Variants in LRRIQ3 observed in about 807,000 individuals in gnomAD.
LRRIQ3 encodes leucine rich repeats and IQ motif containing 3.
LRRIQ3 carries 75 observed loss-of-function variants against 59.3 expected under a neutral mutation model. That is an observed-to-expected ratio of 1.26 (90% CI 1.05 to 1.53). The LOEUF is 1.53. Ranked by LOEUF, LRRIQ3 falls within the 40% of genes most tolerant of loss-of-function variation. LRRIQ3 has a pLI of 0.00. For synonymous variants in LRRIQ3, 250 were observed against 231.3 expected, an observed-to-expected ratio of 1.08 and a Z score of -0.73; for missense variants, 831 against 710.0, an observed-to-expected ratio of 1.17 and a Z score of -1.94.
chr1:74,121,446 T>C (rs914666149), intron 4 of LRRIQ3, among the ~76,000 whole-genome samples: 25 of 152,118 alleles, frequency 1.6e-4, no homozygotes, highest in African/African-American at 4.8e-4. Flanking sequence ...CATAACCCCT[T>C]ATGGGCAAGA....
chr1:74,184,908 A>T (rs138265574), intron 1 of LRRIQ3, among the ~76,000 whole-genome samples: 1 of 152,342 alleles, frequency 6.6e-6, no homozygotes, highest in East Asian at 1.9e-4. Context: ...GACTTCCAAA[A>T]TAGAAAAGAT....
chr1:74,074,846 T>C (rs1347213632), intron 5 of LRRIQ3, 56 bp from the exon 6 acceptor site: 2 of 887,908 alleles, frequency 2.3e-6, no homozygotes, highest in African/African-American at 1.8e-5. Flanking sequence ...GTTTTAGAGT[T>C]CTTCAAGGGT....
At chr1:74,156,832 T>C (rs1648358457) in intron 3 of LRRIQ3, among the ~76,000 whole-genome samples, 1 of 152,084 alleles carries the variant, frequency 6.6e-6, no homozygotes, top group African/African-American at 2.4e-5. Context: ...GCTCAGTATA[T>C]TTCATTGACA....
chr1:74,129,797 G>A (rs750299059), intron 4 of LRRIQ3, among the ~76,000 whole-genome samples: 1 of 151,968 alleles, frequency 6.6e-6, no homozygotes, highest in Non-Finnish European at 1.5e-5. Context: ...TTAGCTAGGA[G>A]ATAATGAATC....
intron 4 of LRRIQ3, chr1:74,138,383 G>T: frequency 3.1e-6 from 2 of 649,466 alleles, no homozygotes; most frequent in Non-Finnish European, 3.8e-6. Flanking sequence ...GTAAACTGGG[G>T]CCAAAATGCC....
chr1:74,094,821 TA>T (rs778039818), intron 5 of LRRIQ3, among the ~76,000 whole-genome samples: 3 of 152,114 alleles, frequency 2.0e-5, no homozygotes, highest in Non-Finnish European at 4.4e-5. Context: ...TATAGTGACA[TA>T]AGCTTTTAGG....
intron 4 of LRRIQ3, among the ~76,000 whole-genome samples, chr1:74,140,686 A>C (rs1265575605): frequency 6.6e-6 from 1 of 151,874 alleles, no homozygotes; most frequent in Non-Finnish European, 1.5e-5. Flanking sequence ...AAGGACTGAA[A>C]TCATATAGGA....
intron 5 of LRRIQ3, among the ~76,000 whole-genome samples, chr1:74,092,364 A>T (rs2100519297): frequency 6.6e-6 from 1 of 152,244 alleles, no homozygotes; most frequent in Non-Finnish European, 1.5e-5. Context: ...ATTTAAACTG[A>T]TAGCAATATG....
At chr1:74,187,353 TACACACACAC>T (rs58321456) in intron 1 of LRRIQ3, among the ~76,000 whole-genome samples, 1 of 55,300 alleles carries the variant, frequency 1.8e-5, no homozygotes. Context: ...GGTATATGTT[TACACACACAC>T]ACACACACAC....
intron 5 of LRRIQ3, among the ~76,000 whole-genome samples, chr1:74,086,743 A>C (rs779568560): frequency 6.6e-5 from 10 of 152,146 alleles, no homozygotes; most frequent in African/African-American, 9.7e-5. Flanking sequence ...ATAATACTTA[A>C]TTTACATTAG....
At chr1:74,080,410 A>G (rs1398160118) in intron 5 of LRRIQ3, among the ~76,000 whole-genome samples, 1 of 151,708 alleles carries the variant, frequency 6.6e-6, no homozygotes, top group African/African-American at 2.4e-5. Flanking sequence ...AGTCAGATGG[A>G]TTATGGTACT....
Position 74,182,593 on chromosome 1 carries a change from C to A in LRRIQ3, c.518G>T (p.Arg173Ile). 1 of 1,605,104 alleles carries A rather than the reference C, an allele frequency of 6.2e-7. No homozygotes were observed. Among genetic ancestry groups the A allele is most frequent in the South Asian group, 1.1e-5 (1 of 89,714 alleles). Residue 173 changes from arginine to isoleucine, a missense_variant, in exon 3 of 8, where the codon AGA becomes ATA. By Grantham distance (97) the Arg-to-Ile change is moderately conservative (BLOSUM62 -3). Transcript: ENST00000354431. ...EIIQNWHLPE[R>I]FKACNHRLFF... ...AAGTCGATGGTTACATGCTTTGAATCTTTCAGGAAGATGCCAGTTCTGAAT... is the reference window on the plus strand; with the variant it reads ...AAGTCGATGGTTACATGCTTTGAATATTTCAGGAAGATGCCAGTTCTGAAT...
chr1:74,180,736 G>T lies in LRRIQ3; in HGVS notation c.573+1802C>A. ...CATGACTCATTTGCTGTCCAATATT[G>T]GGTAAGTTCCTAAACCTCACTATGC... On this transcript the variant is annotated intron_variant, in intron 3 of 7. Coordinates refer to ENST00000354431, the MANE Select transcript of LRRIQ3 (RefSeq NM_001105659.2). The T allele has an allele frequency of 1.9e-6, 3 of 1,550,068 alleles. No homozygotes were observed. In the South Asian group the frequency reaches 3.6e-5, roughly 18 times the overall value.
At chr1:74,139,234 A>T (rs1394558753) in intron 4 of LRRIQ3, among the ~76,000 whole-genome samples, 1 of 149,210 alleles carries the variant, frequency 6.7e-6, no homozygotes, top group East Asian at 2.1e-4. Context: ...AATAAAATGT[A>T]TAATTTGACT....
chr1:74,130,297 A>G (rs540744071), intron 4 of LRRIQ3, among the ~76,000 whole-genome samples: 1 of 152,154 alleles, frequency 6.6e-6, no homozygotes, highest in East Asian at 1.9e-4. Flanking sequence ...GGGATGAGCA[A>G]CTTCCCTATG....
At position 74,071,030 on chromosome 1, in the gene LRRIQ3, T is replaced by C. The variant is rs546490684; in HGVS notation, c.997+3631A>G. Among the ~76,000 whole-genome samples, 424 of 146,258 alleles carry C rather than the reference T, an allele frequency of 2.9e-3. 1 individual carries two copies. The highest frequency in any genetic ancestry group is 5.2e-3 in the Non-Finnish European group (342 of 65,784). On this transcript the variant is annotated intron_variant, in intron 6 of 7. Coordinates refer to ENST00000354431, the MANE Select transcript of LRRIQ3 (RefSeq NM_001105659.2). The stretch of plus-strand genomic sequence containing the variant: ...TCTTTGCTATATATACATATATATA[T>C]ATACACACACACACACATACACACA...
At chr1:74,183,381 ATT>A (rs1650129320) in intron 2 of LRRIQ3, 53 bp downstream of exon 2, 1 of 1,451,054 alleles carries the variant, frequency 6.9e-7, no homozygotes. Flanking sequence ...ATAAGTACTT[ATT>A]ATAAGACTGA....
intron 1 of LRRIQ3, among the ~76,000 whole-genome samples, chr1:74,194,142 G>C (rs973384747): frequency 6.6e-6 from 1 of 152,168 alleles, no homozygotes; most frequent in East Asian, 1.9e-4. Context: ...CAAGGCAAGA[G>C]AATGCTTGAG....
chr1:74,028,534 C>T (rs1477364753), intron 7 of LRRIQ3, among the ~76,000 whole-genome samples: 1 of 151,924 alleles, frequency 6.6e-6, no homozygotes, highest in Non-Finnish European at 1.5e-5. Context: ...GATTAGAGTT[C>T]TGACTGGAAA....
Sources: allele counts gnomAD v4.1 joint callset (sites outside exome capture counted in the v4.1 genomes callset), GRCh38; gene constraint gnomAD v4.1.1; transcripts MANE v1.5; gene names NCBI Gene and HGNC (gene_info 2026-07-23, HGNC 2026-07-21).